The following THEMIS variants were observed in gnomAD, a reference collection of about 807,000 sequenced individuals.
THEMIS encodes thymocyte selection associated, also known as protein THEMIS.
A neutral mutation model predicts 52.6 loss-of-function variants in THEMIS; 37 were observed. That is an observed-to-expected ratio of 0.70 (90% CI 0.54 to 0.93). THEMIS has a LOEUF of 0.93. THEMIS is among the 40% of genes least tolerant of loss of function. The probability of loss-of-function intolerance (pLI) is 0.00; values close to 1 mark genes in which losing one functional copy is unlikely to be tolerated. For missense variants in THEMIS, 808 were observed against 763.1 expected (o/e 1.06, Z -0.69); for synonymous variants, 292 against 272.7 (o/e 1.07, Z -0.70).
chr6:127,782,882 A>C (rs747709533), intron 4 of THEMIS, among the ~76,000 whole-genome samples: 1 of 152,208 alleles, frequency 6.6e-6, no homozygotes, highest in Non-Finnish European at 1.5e-5. Flanking sequence ...GAATTAGAAA[A>C]AACTACTTTA....
At chr6:127,873,883 T>C (rs750069725) in intron 1 of THEMIS, among the ~76,000 whole-genome samples, 3 of 152,240 alleles carry the variant, frequency 2.0e-5, no homozygotes, top group Non-Finnish European at 4.4e-5. Flanking sequence ...ATTGCATTTA[T>C]TGATACCATA....
chr6:127,906,420 T>C (rs1375169581), intron 1 of THEMIS, among the ~76,000 whole-genome samples: 1 of 151,874 alleles, frequency 6.6e-6, no homozygotes, highest in African/African-American at 2.4e-5. Flanking sequence ...AAAAAGCAAA[T>C]ATTTATTTCA....
In THEMIS at chr6:127,812,692, A is replaced by T. The variant is rs1013143706; in HGVS notation, c.1758+191T>A. On this transcript the variant is annotated intron_variant, in intron 4 of 5. Transcript: ENST00000368248. The stretch of plus-strand genomic sequence containing the variant: ...CCAATTCAATATTAAACTTCATGCC[A>T]CATCAAAATATAAAACGCTGCAACA... Among the ~76,000 whole-genome samples, 7 of 152,362 alleles carry T rather than the reference A, an allele frequency of 4.6e-5. No individual in the cohort carries two copies. The South Asian group carries it at 6.2e-4, about 14-fold the overall frequency.
At chr6:127,900,749 C>T (rs1289995036) in intron 1 of THEMIS, 93 bp downstream of exon 1, 2 of 1,053,864 alleles carry the variant, frequency 1.9e-6, no homozygotes, top group Admixed American at 1.8e-5. Context: ...CCAGAACTCA[C>T]ATATTTGCTG....
In THEMIS at chr6:127,813,494, CG is replaced by C. The variant is rs1277705168; in HGVS notation, c.1146del (p.Val383TyrfsTer22). The C allele has an allele frequency of 9.9e-6, 16 of 1,613,820 alleles. No homozygotes were observed. The highest frequency in any genetic ancestry group is 1.4e-5 in the Non-Finnish European group (16 of 1,179,970). On this transcript the variant is annotated frameshift_variant, in exon 4 of 6. Coordinates refer to ENST00000368248, the MANE Select transcript of THEMIS (RefSeq NM_001010923.3). LOFTEE classifies it high-confidence loss of function. ...ACCAGAAACTGGTCCCCAACAGATA[CG>C]GATGACAGCTTGTCATGAGGGGAAT... ...AFHSPHDKLS[S>X]VSVGDQFLVH...
chr6:127,912,462 G>GCTGAGC (rs1416688557), intron 1 of THEMIS, among the ~76,000 whole-genome samples: 2 of 152,160 alleles, frequency 1.3e-5, no homozygotes, highest in Non-Finnish European at 2.9e-5. Flanking sequence ...CTGGGAGCAG[G>GCTGAGC]CTGAGTTAAC....
chr6:127,738,115 C>A (rs1364266571), intron 4 of THEMIS, among the ~76,000 whole-genome samples: 1 of 152,044 alleles, frequency 6.6e-6, no homozygotes, highest in Non-Finnish European at 1.5e-5. Context: ...AGGTCTCATT[C>A]TCTCCCCTCA....
At position 127,708,846 on chromosome 6, in the gene THEMIS, T is replaced by G. The variant is rs1410236287; in HGVS notation, c.*1139A>C. ...CACAATTTATTGTCTTCAGAAACAC[T>G]TTGGTACAAAATCAACAAATTTCTC... On this transcript the variant is annotated 3_prime_UTR_variant, in exon 6 of 6. Coordinates refer to ENST00000368248, the MANE Select transcript of THEMIS (RefSeq NM_001010923.3). The G allele has an allele frequency of 6.6e-6, 1 of 151,978 alleles. No homozygotes were observed. Among genetic ancestry groups the G allele is most frequent in the Non-Finnish European group, 1.5e-5 (1 of 67,932 alleles). The allele number at this position is 151,978 out of a possible 1,614,324, so 9.4% of individuals were successfully genotyped here. A position where few individuals can be genotyped will look rare whatever the true frequency, so the allele number is the denominator to read the frequency against.
At chr6:127,795,854 T>C (rs768162532) in intron 4 of THEMIS, among the ~76,000 whole-genome samples, 1 of 152,208 alleles carries the variant, frequency 6.6e-6, no homozygotes, top group Non-Finnish European at 1.5e-5. Flanking sequence ...ACATTGTAAG[T>C]AACTGATACT....
chr6:127,823,961 T>C (rs1223684437), intron 3 of THEMIS, among the ~76,000 whole-genome samples: 1 of 152,120 alleles, frequency 6.6e-6, no homozygotes, highest in Non-Finnish European at 1.5e-5. Context: ...AAGGAGTGCC[T>C]ATGTGCCTGA....
intron 4 of THEMIS, among the ~76,000 whole-genome samples, chr6:127,799,166 A>G (rs1390168208): frequency 6.6e-6 from 1 of 152,210 alleles, no homozygotes; most frequent in African/African-American, 2.4e-5. Flanking sequence ...AACTATTGAA[A>G]AGAAAGCCAC....
At chr6:127,868,159 A>G (rs969457299) in intron 1 of THEMIS, among the ~76,000 whole-genome samples, 4 of 152,158 alleles carry the variant, frequency 2.6e-5, no homozygotes, top group Admixed American at 6.6e-5. Context: ...TTGAGCATCA[A>G]ATAAAATTAT....
intron 4 of THEMIS, among the ~76,000 whole-genome samples, chr6:127,745,285 T>C (rs965031902): frequency 1.3e-5 from 2 of 151,894 alleles, no homozygotes; most frequent in African/African-American, 4.8e-5. Context: ...CAATTAATCT[T>C]AAATCTAAAA....
At chr6:127,704,308 A>C (rs1773772174), downstream of THEMIS, among the ~76,000 whole-genome samples, 1 of 152,136 alleles carries the variant, frequency 6.6e-6, no homozygotes, top group African/African-American at 2.4e-5. Context: ...TGGGGCCAGG[A>C]GGAAGGCGGG....
At chr6:127,703,735 A>G (rs1022483749), downstream of THEMIS, among the ~76,000 whole-genome samples, 1 of 152,244 alleles carries the variant, frequency 6.6e-6, no homozygotes, top group African/African-American at 2.4e-5. Context: ...GGTCATATGG[A>G]TAAAAATTTT....
chr6:127,770,088 T>A (rs1292089955), intron 4 of THEMIS, among the ~76,000 whole-genome samples: 1 of 152,240 alleles, frequency 6.6e-6, no homozygotes, highest in African/African-American at 2.4e-5. Context: ...AACATATGTG[T>A]GCATGTGTCT....
chr6:127,838,298 G>A (rs1778936506), intron 2 of THEMIS, among the ~76,000 whole-genome samples: 1 of 152,000 alleles, frequency 6.6e-6, no homozygotes. Flanking sequence ...AAATGCAAAA[G>A]CTTAGATACC....
intron 3 of THEMIS, among the ~76,000 whole-genome samples, chr6:127,819,397 T>C (rs1418205480): frequency 2.6e-5 from 4 of 152,088 alleles, no homozygotes; most frequent in South Asian, 4.2e-4. Flanking sequence ...AAAAGAAACA[T>C]TTGCATTAAC....
intron 4 of THEMIS, among the ~76,000 whole-genome samples, chr6:127,763,228 T>C (rs1244463880): frequency 6.6e-6 from 1 of 152,006 alleles, no homozygotes; most frequent in East Asian, 1.9e-4. Flanking sequence ...TTAGGTGCAC[T>C]CACCAATGAA....
Sources: gnomAD v4.1 joint callset for allele counts (sites outside exome capture counted in the v4.1 genomes callset) on GRCh38, gnomAD v4.1.1 for gene constraint, MANE v1.5 for transcripts, NCBI Gene and HGNC (gene_info 2026-07-23, HGNC 2026-07-21) for gene names.